NLRC3: variants seen among roughly 807,000 people sequenced by gnomAD.
The protein encoded by NLRC3 is NLR family CARD domain containing 3, also known as NLR family CARD domain-containing protein 3.
Under a neutral mutation model 91.6 loss-of-function variants are expected in NLRC3, and 87 were observed. The observed-to-expected ratio is 0.95, with a 90% CI of 0.80 to 1.14. The LOEUF (loss-of-function observed/expected upper bound fraction) is 1.14. NLRC3 is among the 50% of genes most tolerant of loss of function. The pLI is 0.00. For synonymous variants in NLRC3, 694 were observed against 625.3 expected (o/e 1.11, Z -1.64); for missense variants, 1,577 against 1,418.6 (o/e 1.11, Z -1.79).
Position 3,563,923 on chromosome 16 carries a change from C to T in NLRC3, c.1014G>A (p.Ala338=), listed in dbSNP as rs113059286. 3.1e-6 allele frequency: 5 copies of T among 1,592,672 alleles called. No homozygotes were observed. The highest frequency in any genetic ancestry group is 4.3e-6 in the Non-Finnish European group (5 of 1,171,176). Residue 338 remains alanine (A), a synonymous_variant, in exon 5 of 20, where the codon GCG becomes GCA. Transcript: ENST00000359128. ...VPAFCRLTGM[A]LGHLWRSRTG... ...TCCTGCTGCGCCACAGGTGGCCTAG[C>T]GCCATCCCCGTGAGCCTGCAGAAGG...
At chr16:3,542,299 C>T (rs753985702) in intron 18 of NLRC3, 25 bp from the exon 19 acceptor site, 2 of 1,421,890 alleles carry the variant, frequency 1.4e-6, no homozygotes, top group South Asian at 1.2e-5. Flanking sequence ...GATGGAGACA[C>T]ACGGTGAGCC....
Position 3,564,268 on chromosome 16 carries a change from C to G in NLRC3, c.669G>C (p.Glu223Asp). Residue 223 changes from glutamate (E) to aspartate (D), a missense_variant, in exon 5 of 20, where the codon GAG becomes GAC. Glu to Asp is a conservative substitution (Grantham distance 45). Coordinates refer to ENST00000359128, the MANE Select transcript of NLRC3 (RefSeq NM_178844.4). This position sits in a 1 kb window ranked among gnomAD's most constrained non-coding sequence, Gnocchi z 5.9. ...TGGAGAAGTCCAGAGGCGTCCTGCA[C>G]TCATCCAAGCCGTCCAGGATCAGGA... Reference protein sequence around the residue: ...RALLILDGLDECRTPLDFSNT... With the variant: ...RALLILDGLDDCRTPLDFSNT... The G allele has an allele frequency of 6.2e-6, 10 of 1,612,372 alleles. No individual in the cohort carries two copies. Among genetic ancestry groups the G allele is most frequent in the South Asian group, 1.1e-5 (1 of 91,012 alleles).
chr16:3,557,768 C>A, intron 6 of NLRC3, 92 bp from the exon 7 acceptor site: 1 of 787,478 alleles, frequency 1.3e-6, no homozygotes, highest in Non-Finnish European at 2.2e-6. Flanking sequence ...ATCCTCTAGG[C>A]TCCCCCACAT....
chr16:3,562,617 G>C (rs1320152451), intron 5 of NLRC3, among the ~76,000 whole-genome samples: 4 of 152,126 alleles, frequency 2.6e-5, no homozygotes, highest in Admixed American at 6.6e-5. Context: ...TTCCAGCCTG[G>C]GCGACAGAGC....
chr16:3,548,519 A>C (rs1382339572), intron 14 of NLRC3, 151 bp downstream of exon 14: 3 of 643,926 alleles, frequency 4.7e-6, no homozygotes, highest in African/African-American at 3.6e-5. Context: ...GATGGGGCAC[A>C]GTCTGCTGGC....
chr16:3,549,840 G>A, intron 11 of NLRC3, 60 bp from the exon 12 acceptor site: 2 of 1,272,550 alleles, frequency 1.6e-6, no homozygotes, highest in East Asian at 5.1e-5. Context: ...GAGCTGCCCT[G>A]TCCCAGTCTG....
At chr16:3,575,751 G>T (rs927592433) in intron 1 of NLRC3, among the ~76,000 whole-genome samples, 1 of 152,084 alleles carries the variant, frequency 6.6e-6, no homozygotes, top group Non-Finnish European at 1.5e-5. Flanking sequence ...CCGCCCACCT[G>T]ATCTGTGCCT....
In NLRC3 at chr16:3,550,471, C is replaced by T; in HGVS notation, c.2378G>A (p.Gly793Glu). 1.2e-6 allele frequency: 2 copies of T among 1,613,394 alleles called. No homozygotes were observed. The highest frequency in any genetic ancestry group is 8.5e-7 in the Non-Finnish European group (1 of 1,179,350). Residue 793 changes from glycine to glutamate, a missense_variant, in exon 11 of 20, where the codon GGA (glycine) becomes GAA (glutamate). Physicochemically the swap from Gly to Glu is moderately conservative, Grantham distance 98. Transcript: ENST00000359128. ...GGCCTCAGCCAGGGCCTTGGCACCT[C>T]CATCACCAATACTATTACTGGAGAA... ...LMFSSNSIGD[G>E]GAKALAEALK...
rs145638801 is a variant in NLRC3, at chr16:3,544,544, C to T, written c.2772-215G>A. The stretch of plus-strand genomic sequence containing the variant: ...GTCTGGGGCCTGCATGAGTCTGAAC[C>T]GCCAGAGGCAAGCAGGAAATGGGAC... On this transcript the variant is annotated intron_variant, in intron 15 of 19. Coordinates refer to ENST00000359128, the MANE Select transcript of NLRC3 (RefSeq NM_178844.4). 9.9e-4 allele frequency: 539 copies of T among 545,414 alleles called. 7 individuals carry two copies. Among genetic ancestry groups the T allele is most frequent in the Middle Eastern group, 8.3e-3 (17 of 2,038 alleles). 33.8% of individuals were successfully genotyped at this position (545,414 alleles called of 1,614,324 possible). A position where few individuals can be genotyped will look rare whatever the true frequency, so the allele number is the denominator to read the frequency against.
chr16:3,572,781 G>A (rs1479401552), intron 1 of NLRC3, among the ~76,000 whole-genome samples: 1 of 152,124 alleles, frequency 6.6e-6, no homozygotes, highest in African/African-American at 2.4e-5. Flanking sequence ...GGGAGGCCAA[G>A]GCAGGCAGAT....
intron 18 of NLRC3, 35 bp downstream of exon 18, chr16:3,542,657 C>CT (rs1207712883): frequency 7.4e-7 from 1 of 1,350,678 alleles, no homozygotes; most frequent in Admixed American, 1.8e-5. Flanking sequence ...AACTCTGCTG[C>CT]TCCAGGATGC....
intron 6 of NLRC3, among the ~76,000 whole-genome samples, chr16:3,559,051 C>A (rs1008225793): frequency 6.6e-6 from 1 of 152,200 alleles, no homozygotes; most frequent in African/African-American, 2.4e-5. Flanking sequence ...GAATTACAGG[C>A]ATGAGCCACC....
At position 3,541,540 on chromosome 16, in the gene NLRC3, T is replaced by C. The variant is rs56842282; in HGVS notation, c.*285A>G. 4,036 of 447,162 alleles carry C rather than the reference T, an allele frequency of 9.0e-3. 114 individuals are homozygous for C. The highest frequency in any genetic ancestry group is 0.06 in the African/African-American group (3,027 of 50,760). The allele number at this position is 447,162 out of a possible 1,614,324, so 27.7% of individuals were successfully genotyped here. ...GTGTAAAGCTGGAACCAGCCTCCTG[T>C]ACTGCTCAGCTTTCAGGCCTTTGGC... On this transcript the variant is annotated 3_prime_UTR_variant, in exon 20 of 20. Coordinates refer to ENST00000359128, the MANE Select transcript of NLRC3 (RefSeq NM_178844.4).
intron 1 of NLRC3, among the ~76,000 whole-genome samples, chr16:3,575,609 G>A (rs2040259705): frequency 6.6e-6 from 1 of 152,208 alleles, no homozygotes; most frequent in African/African-American, 2.4e-5. Flanking sequence ...CTTTGTCTGT[G>A]AGCGAAGGTG....
chr16:3,556,959 T>C lies in NLRC3; in HGVS notation c.2135A>G (p.Lys712Arg), dbSNP rs1402375608. ...RGNSIGPQGA[K>R]ALADALKINR... ...GATCTTCAAAGCGTCTGCCAGCGCC[T>C]TGGCCCCTTGTGGTCCAATGGAGTT... The change falls in exon 8 of 20, where the codon AAG (lysine) becomes AGG (arginine). Residue 712 changes from lysine (K) to arginine (R), a missense_variant. Lys to Arg is a conservative substitution (Grantham distance 26). Transcript: ENST00000359128. 1.2e-6 allele frequency: 2 copies of C among 1,613,766 alleles called. No individual in the cohort carries two copies. The highest frequency in any genetic ancestry group is 8.5e-7 in the Non-Finnish European group (1 of 1,179,732).
intron 13 of NLRC3, 36 bp from the exon 14 acceptor site, chr16:3,548,789 G>T: frequency 6.8e-7 from 1 of 1,470,964 alleles, no homozygotes; most frequent in South Asian, 1.2e-5. Context: ...TGAGCCGGGG[G>T]CCGGCTGTGA....
chr16:3,553,153 G>A lies in NLRC3; in HGVS notation c.2268-874C>T, dbSNP rs2039100936. 1.3e-5 allele frequency among the ~76,000 whole-genome samples: 2 copies of A among 152,172 alleles called. 1 individual carries two copies. The highest frequency in any genetic ancestry group is 4.1e-4 in the South Asian group (2 of 4,830). Reference sequence around the variant, plus strand: ...ATTTTCCCTGGTTCCAAAAAGGAAAGAGACTCCTTACCACCCTCATTTTCT... The same window carrying A: ...ATTTTCCCTGGTTCCAAAAAGGAAAAAGACTCCTTACCACCCTCATTTTCT... On this transcript the variant is annotated intron_variant, in intron 9 of 19. Coordinates refer to ENST00000359128, the MANE Select transcript of NLRC3 (RefSeq NM_178844.4).
chr16:3,552,757 T>C (rs2039082207), intron 9 of NLRC3, among the ~76,000 whole-genome samples: 1 of 151,990 alleles, frequency 6.6e-6, no homozygotes, highest in South Asian at 2.1e-4. Context: ...CTGGCCAACA[T>C]GGTGAAACTC....
rs796362058 is a variant in NLRC3, at chr16:3,539,275, C to T, written c.*2550G>A. ...GACTCTCAGGTGCCAGAATTGGGGA[C>T]TCCTTTAATTGGAAGGGAGCTAAAG... On this transcript the variant is annotated 3_prime_UTR_variant, in exon 20 of 20. Transcript: ENST00000359128. The T allele has an allele frequency of 3.3e-5, 5 of 152,302 alleles. No individual in the cohort carries two copies. Among genetic ancestry groups the T allele is most frequent in the African/African-American group, 1.2e-4 (5 of 41,570 alleles). The allele number at this position is 152,302 out of a possible 1,614,324, so 9.4% of individuals were successfully genotyped here.
Sources: gnomAD v4.1 joint callset for allele counts (sites outside exome capture counted in the v4.1 genomes callset) on GRCh38, gnomAD v4.1.1 for gene constraint, Gnocchi (gnomAD v3.1) non-coding constraint, MANE v1.5 for transcripts, NCBI Gene and HGNC (gene_info 2026-07-23, HGNC 2026-07-21) for gene names.